Variants in SVEP1 observed in about 807,000 individuals in gnomAD.
The protein encoded by SVEP1 is sushi, von Willebrand factor type A, EGF and pentraxin domain containing 1.
SVEP1 carries 164 observed loss-of-function variants against 367.3 expected under a neutral mutation model. The ratio of observed to expected loss-of-function variants is 0.45; its 90% CI spans 0.39 to 0.51. The LOEUF is 0.51. Ranked by LOEUF, SVEP1 falls within the 20% of genes least tolerant of loss-of-function variation. The probability of loss-of-function intolerance (pLI) is 0.00; values close to 1 mark genes in which losing one functional copy is unlikely to be tolerated. For missense variants in SVEP1, 4,117 were observed against 4,425.3 expected, an observed-to-expected ratio of 0.93 and a Z score of 1.98; for synonymous variants, 1,666 against 1,611.6, an observed-to-expected ratio of 1.03 and a Z score of -0.81.
chr9:110,369,734 A>C (rs1827249387), intron 47 of SVEP1, 189 bp downstream of exon 47: 1 of 567,546 alleles, frequency 1.8e-6, no homozygotes. Flanking sequence ...TTGTTTTGTC[A>C]ATCCTGAACT....
intron 3 of SVEP1, among the ~76,000 whole-genome samples, chr9:110,535,201 T>C (rs1830064252): frequency 6.6e-6 from 1 of 152,108 alleles, no homozygotes; most frequent in South Asian, 2.1e-4. Context: ...TTATATGGTA[T>C]AAGAAAGGGA....
Position 110,578,741 on chromosome 9 carries a change from G to T in SVEP1, c.531+272C>A, listed in dbSNP as rs1170327692. Among the ~76,000 whole-genome samples the T allele has an allele frequency of 2.0e-5, 3 of 152,132 alleles. No individual in the cohort carries two copies. In the South Asian group the frequency reaches 6.2e-4, roughly 31 times the overall value. On this transcript the variant is annotated intron_variant, in intron 1 of 47. Coordinates refer to ENST00000374469, the MANE Select transcript of SVEP1 (RefSeq NM_153366.4). ...GCTCCTACAAACGTGAATGTGATTAGCGTTTCAAGGATCCCTTCCTAACAG... is the reference window on the plus strand; with the variant it reads ...GCTCCTACAAACGTGAATGTGATTATCGTTTCAAGGATCCCTTCCTAACAG...
intron 36 of SVEP1, among the ~76,000 whole-genome samples, chr9:110,414,719 T>A (rs1461070518): frequency 1.3e-5 from 2 of 151,954 alleles, no homozygotes; most frequent in Non-Finnish European, 2.9e-5. Flanking sequence ...GAGAGCTTTA[T>A]GACAGAGCTC....
intron 43 of SVEP1, among the ~76,000 whole-genome samples, chr9:110,381,145 A>G (rs1827428910): frequency 6.6e-6 from 1 of 151,774 alleles, no homozygotes; most frequent in Non-Finnish European, 1.5e-5. Context: ...TACTTTTTTC[A>G]GAAAAACAGC....
At chr9:110,375,493 AGGC>A in intron 45 of SVEP1, 30 bp from the exon 46 acceptor site, 1 of 1,351,014 alleles carries the variant, frequency 7.4e-7, no homozygotes, top group Non-Finnish European at 1.0e-6. Flanking sequence ...AAAAAAAAGG[AGGC>A]AGGGGGGATT....
chr9:110,495,815 A>G (rs928563938), intron 8 of SVEP1, among the ~76,000 whole-genome samples: 2 of 152,230 alleles, frequency 1.3e-5, no homozygotes, highest in African/African-American at 4.8e-5. Flanking sequence ...AAATTAAAAT[A>G]CTGTGTTCTG....
At chr9:110,412,000 G>C (rs1395123701) in intron 36 of SVEP1, among the ~76,000 whole-genome samples, 1 of 151,966 alleles carries the variant, frequency 6.6e-6, no homozygotes, top group Non-Finnish European at 1.5e-5. Context: ...TTTGAATATT[G>C]AGCTTATTGA....
chr9:110,527,715 G>A (rs1829957373), intron 3 of SVEP1, among the ~76,000 whole-genome samples: 1 of 151,554 alleles, frequency 6.6e-6, no homozygotes. Context: ...ATAGCTTTAG[G>A]GGTGCAAGTG....
intron 44 of SVEP1, among the ~76,000 whole-genome samples, chr9:110,379,039 A>G (rs1266045370): frequency 6.7e-6 from 1 of 149,604 alleles, no homozygotes; most frequent in African/African-American, 2.6e-5. Flanking sequence ...TGTAGAATGA[A>G]TGAAATAATT....
intron 18 of SVEP1, among the ~76,000 whole-genome samples, chr9:110,464,702 T>G (rs1828908978): frequency 6.6e-6 from 1 of 152,146 alleles, no homozygotes; most frequent in Admixed American, 6.5e-5. Context: ...GCTTCTTCAT[T>G]TCTCAGTTGC....
At chr9:110,537,051 A>C (rs1020877679) in intron 3 of SVEP1, among the ~76,000 whole-genome samples, 31 of 151,972 alleles carry the variant, frequency 2.0e-4, no homozygotes, top group African/African-American at 7.5e-4. Flanking sequence ...AATTTCAATA[A>C]AGATGTAAAG....
In SVEP1 at chr9:110,542,550, T is replaced by G. The variant is rs143095864; in HGVS notation, c.964+3565A>C. On this transcript the variant is annotated intron_variant, in intron 3 of 47. Transcript: ENST00000374469. ...TCTGTCTAACTTGAAACTTCTGTGT[T>G]GTGTGTTCTTCATACTATGGACATT... Among the ~76,000 whole-genome samples the G allele has an allele frequency of 1.7e-4, 26 of 152,294 alleles. No individual in the cohort carries two copies. In the East Asian group the frequency reaches 5.0e-3, roughly 29 times the overall value.
rs1240322105 is a variant in SVEP1, at chr9:110,407,651, G to C, written c.7949C>G (p.Pro2650Arg). Residue 2650 changes from proline (P) to arginine (R), a missense_variant, in exon 38 of 48, where the codon CCT becomes CGT. Transcript: ENST00000374469. ...AGCCACTGCTCCCAAATGATAAGGA[G>C]GGTGAGGAGTCACATATGGAACTTC... is the stretch of plus-strand genomic sequence containing the variant. ...MMEVPYVTPHPPYHLGAVAKT... is the reference protein window; with the variant it reads ...MMEVPYVTPHRPYHLGAVAKT... The C allele has an allele frequency of 1.2e-6, 2 of 1,613,872 alleles. No homozygotes were observed. Among genetic ancestry groups the C allele is most frequent in the Non-Finnish European group, 8.5e-7 (1 of 1,179,888 alleles).
chr9:110,540,448 A>C (rs551899185), intron 3 of SVEP1, among the ~76,000 whole-genome samples: 252 of 152,244 alleles, frequency 1.7e-3, no homozygotes, highest in African/African-American at 5.8e-3. Context: ...TTTTTTAAAA[A>C]AACAACAACA....
chr9:110,560,621 C>T (rs147170964), intron 1 of SVEP1, among the ~76,000 whole-genome samples: 3 of 152,292 alleles, frequency 2.0e-5, no homozygotes, highest in African/African-American at 7.2e-5. Flanking sequence ...TGTCTGAATG[C>T]ACCATGAGGC....
intron 5 of SVEP1, among the ~76,000 whole-genome samples, chr9:110,504,356 G>A (rs968513658): frequency 5.3e-5 from 8 of 152,018 alleles, no homozygotes; most frequent in African/African-American, 1.9e-4. Context: ...CACCGCACCC[G>A]CCCTTGGAAA....
At position 110,406,182 on chromosome 9, in the gene SVEP1, A is replaced by G. The variant is rs780463310; in HGVS notation, c.9418T>C (p.Tyr3140His). 2 of 1,579,974 alleles carry G rather than the reference A, an allele frequency of 1.3e-6. No homozygotes were observed. The highest frequency in any genetic ancestry group is 1.7e-6 in the Non-Finnish European group (2 of 1,163,360). ...NAVATGEAHT[Y>H]ESEVKLRCLE... is the part of the protein sequence containing the mutation. ...TACCTGAGTTTCACTTCACTTTCATAGGTGTGTGCCTCTCCAGTTGCCACT... is the reference window on the plus strand; with the variant it reads ...TACCTGAGTTTCACTTCACTTTCATGGGTGTGTGCCTCTCCAGTTGCCACT... The change falls in exon 38 of 48, where the codon TAT (tyrosine) becomes CAT (histidine). Residue 3140 changes from tyrosine (Y) to histidine (H), a missense_variant. Coordinates refer to ENST00000374469, the MANE Select transcript of SVEP1 (RefSeq NM_153366.4).
chr9:110,394,221 T>A (rs10817011), intron 40 of SVEP1, among the ~76,000 whole-genome samples: 129,105 of 151,404 alleles, frequency 0.85, 55,398 homozygotes, highest in African/African-American at 0.95. Context: ...TTCTGCACCC[T>A]CTGCTGCTGA....
chr9:110,378,152 AC>A (rs1827380886), intron 44 of SVEP1, among the ~76,000 whole-genome samples: 2 of 152,164 alleles, frequency 1.3e-5, no homozygotes, highest in Non-Finnish European at 2.9e-5. Context: ...CTATCAACAT[AC>A]ATTTTTTTAT....
Sources: allele counts gnomAD v4.1 joint callset (sites outside exome capture counted in the v4.1 genomes callset), GRCh38; gene constraint gnomAD v4.1.1; transcripts MANE v1.5; gene names NCBI Gene and HGNC (gene_info 2026-07-23, HGNC 2026-07-21).